IL1RAPL1: variants seen among roughly 807,000 people sequenced by gnomAD.
IL1RAPL1 encodes the protein interleukin-1 receptor accessory protein-like 1.
Under a neutral mutation model 48.4 loss-of-function variants are expected in IL1RAPL1, and 3 were observed. The observed-to-expected ratio is 0.06, with a 90% CI of 0.03 to 0.16. The LOEUF (loss-of-function observed/expected upper bound fraction) is 0.16. Among genes scored for constraint, IL1RAPL1 ranks in the 10% least tolerant of loss-of-function variants. The probability of loss-of-function intolerance (pLI) is 1.00; values close to 1 mark genes in which losing one functional copy is unlikely to be tolerated. For synonymous variants in IL1RAPL1, 185 were observed against 187.7 expected (o/e 0.99, Z 0.12); for missense variants, 349 against 530.6 (o/e 0.66, Z 3.36).
intron 3 of IL1RAPL1, among the ~76,000 whole-genome samples, chrX:29,364,879 C>CTGTA (rs1313904133): frequency 3.6e-5 from 4 of 111,127 alleles, no homozygotes; most frequent in Non-Finnish European, 7.5e-5. Flanking sequence ...ACAGGGATGA[C>CTGTA]TGTATAGACT....
intron 6 of IL1RAPL1, among the ~76,000 whole-genome samples, chrX:29,867,181 T>C (rs1931712569): frequency 8.9e-6 from 1 of 112,010 alleles, no homozygotes; most frequent in African/African-American, 3.2e-5. Flanking sequence ...TAAACTTTTA[T>C]ATGTTTCAGT....
chrX:29,410,537 T>C (rs1303979198), intron 5 of IL1RAPL1, among the ~76,000 whole-genome samples: 3 of 111,473 alleles, frequency 2.7e-5, no homozygotes, highest in African/African-American at 9.8e-5. Context: ...TTGAAAATAA[T>C]TCACTATTTT....
chrX:28,591,329 C>T (rs1933905632), intron 1 of IL1RAPL1, among the ~76,000 whole-genome samples: 1 of 111,857 alleles, frequency 8.9e-6, no homozygotes, highest in Non-Finnish European at 1.9e-5. Context: ...GTGAACAAAT[C>T]AGTATTACTT....
chrX:29,273,043 G>A (rs1932066967), intron 2 of IL1RAPL1, among the ~76,000 whole-genome samples: 1 of 111,270 alleles, frequency 9.0e-6, no homozygotes, highest in Non-Finnish European at 1.9e-5. Context: ...TCTTTTTATT[G>A]TATTCCTTAG....
chrX:29,766,190 T>TG (rs948672174), intron 6 of IL1RAPL1, among the ~76,000 whole-genome samples: 2 of 104,390 alleles, frequency 1.9e-5, no homozygotes, highest in African/African-American at 7.0e-5. Context: ...TAGCCGGGCA[T>TG]GGTGGCACAC....
chrX:29,928,676 T>A, intron 8 of IL1RAPL1, among the ~76,000 whole-genome samples: 1 of 112,169 alleles, frequency 8.9e-6, no homozygotes, highest in Non-Finnish European at 1.9e-5. Flanking sequence ...TCCTGGAGCA[T>A]TAAAACAGCA....
rs73208077 is a variant in IL1RAPL1, at chrX:28,978,001, G to C, written c.82+188576G>C. ...AGAGAACAAGTGTTAAAAAGTGAAC[G>C]CGTTTCAGTTTCACATTTGAGGGGA... On this transcript the variant is annotated intron_variant, in intron 2 of 10. Coordinates refer to ENST00000378993, the MANE Select transcript of IL1RAPL1 (RefSeq NM_014271.4). Among the ~76,000 whole-genome samples the C allele has an allele frequency of 8.9e-5, 10 of 112,050 alleles. No individual in the cohort carries two copies. The East Asian group carries it at 2.5e-3, about 28-fold the overall frequency.
chrX:29,909,343 A>T (rs1245650327), intron 6 of IL1RAPL1, among the ~76,000 whole-genome samples: 1 of 111,547 alleles, frequency 9.0e-6, no homozygotes, highest in Non-Finnish European at 1.9e-5. Flanking sequence ...AGGTGAGAGG[A>T]TTGCTTGAGC....
At chrX:28,730,291 G>GT (rs1294308348) in intron 1 of IL1RAPL1, among the ~76,000 whole-genome samples, 2 of 111,279 alleles carry the variant, frequency 1.8e-5, no homozygotes, top group African/African-American at 3.3e-5. Flanking sequence ...TTTGAATATA[G>GT]TTTTTTTACA....
intron 2 of IL1RAPL1, among the ~76,000 whole-genome samples, chrX:29,076,247 C>A (rs1927667566): frequency 8.9e-6 from 1 of 111,874 alleles, no homozygotes. Context: ...TACTTAAAAT[C>A]TTTTCCTTAA....
chrX:28,668,843 T>C (rs1156927740), intron 1 of IL1RAPL1, among the ~76,000 whole-genome samples: 2 of 111,817 alleles, frequency 1.8e-5, no homozygotes, highest in African/African-American at 6.5e-5. Flanking sequence ...CATAATATAG[T>C]CATGAGATTT....
chrX:29,261,387 C>T (rs1227422768), intron 2 of IL1RAPL1, among the ~76,000 whole-genome samples: 1 of 111,254 alleles, frequency 9.0e-6, no homozygotes, highest in East Asian at 2.8e-4. Flanking sequence ...TTCCAAGAGA[C>T]CTGGAATCAA....
intron 2 of IL1RAPL1, among the ~76,000 whole-genome samples, chrX:28,987,505 TATACACACACACACAC>T (rs1162655297): frequency 9.0e-6 from 1 of 111,729 alleles, no homozygotes; most frequent in African/African-American, 3.3e-5. Context: ...GACACATATT[TATACACACACACACAC>T]ATACACACAC....
At chrX:29,671,964 AATTAT>A (rs1926152387) in intron 6 of IL1RAPL1, among the ~76,000 whole-genome samples, 1 of 112,415 alleles carries the variant, frequency 8.9e-6, no homozygotes, top group Non-Finnish European at 1.9e-5. Flanking sequence ...TCTTTAAAAT[AATTAT>A]AAAGGTTAAT....
intron 1 of IL1RAPL1, among the ~76,000 whole-genome samples, chrX:28,680,542 A>G (rs1183038799): frequency 1.8e-5 from 2 of 111,619 alleles, no homozygotes; most frequent in Non-Finnish European, 3.8e-5. Flanking sequence ...ATCTTAGCAG[A>G]AAAGCTTTCA....
At chrX:29,130,721 C>T (rs868133270) in intron 2 of IL1RAPL1, among the ~76,000 whole-genome samples, 5 of 111,912 alleles carry the variant, frequency 4.5e-5, no homozygotes, top group Middle Eastern at 9.1e-3. Context: ...GCTGGTCCTT[C>T]CCCTATCACT....
chrX:28,784,328 G>A (rs2147262997), intron 1 of IL1RAPL1, among the ~76,000 whole-genome samples: 1 of 111,778 alleles, frequency 8.9e-6, no homozygotes, highest in African/African-American at 3.2e-5. Flanking sequence ...TATAGTAATG[G>A]CAAAACTTTA....
At chrX:29,776,207 C>T (rs1402026687) in intron 6 of IL1RAPL1, among the ~76,000 whole-genome samples, 1 of 110,881 alleles carries the variant, frequency 9.0e-6, no homozygotes, top group Non-Finnish European at 1.9e-5. Flanking sequence ...TGATCTGGAC[C>T]CCTCATCTCC....
rs139792617 is a variant in IL1RAPL1, at chrX:29,788,799, C to T, written c.778+120295C>T. Among the ~76,000 whole-genome samples the T allele has an allele frequency of 6.5e-3, 730 of 111,683 alleles. 9 individuals carry two copies. Among genetic ancestry groups the T allele is most frequent in the African/African-American group, 0.022 (686 of 30,835 alleles). On this transcript the variant is annotated intron_variant, in intron 6 of 10. Transcript: ENST00000378993. ...GTTAATCAACCTCTACCTATCCATA[C>T]GTCAATACTTAAATGGTCAAACCAA...
Sources: gnomAD v4.1 joint callset for allele counts (sites outside exome capture counted in the v4.1 genomes callset) on GRCh38, gnomAD v4.1.1 for gene constraint, MANE v1.5 for transcripts, NCBI Gene and HGNC (gene_info 2026-07-23, HGNC 2026-07-21) for gene names.